The following RNF216 variants were observed in gnomAD, a reference collection of about 807,000 sequenced individuals.
The protein encoded by RNF216 is ring finger protein 216.
In RNF216, 72 loss-of-function variants were observed where a neutral mutation model predicts 110.8. The ratio of observed to expected loss-of-function variants is 0.65; its 90% CI spans 0.54 to 0.79. RNF216 has a LOEUF of 0.79. RNF216 is among the 30% of genes least tolerant of loss of function. RNF216 has a pLI of 0.00. For synonymous variants in RNF216, 495 were observed against 407.5 expected (o/e 1.21, Z -2.59); for missense variants, 1,342 against 1,141.2 (o/e 1.18, Z -2.54).
At chr7:5,727,491 T>C (rs1368062344) in intron 7 of RNF216, among the ~76,000 whole-genome samples, 3 of 151,874 alleles carry the variant, frequency 2.0e-5, no homozygotes, top group Admixed American at 6.6e-5. Context: ...CTTTAGGAGG[T>C]GGAGGTGGGA....
At chr7:5,743,800 C>G (rs566807386) in intron 3 of RNF216, among the ~76,000 whole-genome samples, 14 of 152,250 alleles carry the variant, frequency 9.2e-5, no homozygotes, top group African/African-American at 3.4e-4. Flanking sequence ...GAGGACTATG[C>G]CACTGAAGTA....
intron 3 of RNF216, among the ~76,000 whole-genome samples, chr7:5,748,430 T>C (rs1318918370): frequency 2.0e-5 from 3 of 152,182 alleles, no homozygotes; most frequent in South Asian, 2.1e-4. Context: ...CAGCTAATTT[T>C]TGTATTTTTA....
chr7:5,643,474 C>T (rs1463236113), intron 14 of RNF216, among the ~76,000 whole-genome samples: 1 of 151,910 alleles, frequency 6.6e-6, no homozygotes, highest in Non-Finnish European at 1.5e-5. Flanking sequence ...CTTGCGCTCA[C>T]ACAGGAAGGC....
intron 15 of RNF216, among the ~76,000 whole-genome samples, chr7:5,635,821 C>T (rs1187487267): frequency 6.6e-6 from 1 of 152,210 alleles, no homozygotes; most frequent in African/African-American, 2.4e-5. Context: ...AGGCTCAGTC[C>T]ACTGCTGGTT....
Position 5,680,423 on chromosome 7 carries a change from G to C in RNF216, c.2062-27913C>G, listed in dbSNP as rs1401754835. Reference sequence around the variant, plus strand: ...ACACTTCTTTTTTTGTTGTTGTTGAGACGGAGTCTTGCCCTGTCGCCAGCC... The same window carrying C: ...ACACTTCTTTTTTTGTTGTTGTTGACACGGAGTCTTGCCCTGTCGCCAGCC... On this transcript the variant is annotated intron_variant, in intron 13 of 16. Coordinates refer to ENST00000389902, the MANE Select transcript of RNF216 (RefSeq NM_207111.4). This position sits in a 1 kb window ranked among gnomAD's most constrained non-coding sequence, Gnocchi z 4.3. The C allele has an allele frequency of 1.3e-5, 2 of 152,214 alleles. No homozygotes were observed. Among genetic ancestry groups the C allele is most frequent in the Admixed American group, 1.3e-4 (2 of 15,274 alleles). 9.4% of individuals were successfully genotyped at this position (152,214 alleles called of 1,614,324 possible).
intron 14 of RNF216, among the ~76,000 whole-genome samples, chr7:5,648,644 TG>T (rs1788194912): frequency 6.7e-6 from 1 of 148,646 alleles, no homozygotes; most frequent in Non-Finnish European, 1.5e-5. Flanking sequence ...AGGAGAACGG[TG>T]TGAACCTGGG....
intron 6 of RNF216, among the ~76,000 whole-genome samples, chr7:5,730,509 G>A (rs1423854921): frequency 2.6e-5 from 4 of 152,218 alleles, no homozygotes; most frequent in African/African-American, 9.7e-5. Flanking sequence ...AAAGATAGAA[G>A]TTAAAGACAG....
intron 15 of RNF216, among the ~76,000 whole-genome samples, chr7:5,630,640 A>C (rs1025761537): frequency 1.3e-5 from 2 of 151,764 alleles, no homozygotes; most frequent in Non-Finnish European, 2.9e-5. Flanking sequence ...CCATCCTCCC[A>C]CCTCCGCCTC....
At chr7:5,699,581 C>G (rs1180517231) in intron 13 of RNF216, among the ~76,000 whole-genome samples, 2 of 152,242 alleles carry the variant, frequency 1.3e-5, no homozygotes, top group Admixed American at 6.5e-5. Flanking sequence ...GATTGGATTT[C>G]GTTTCTCATC....
At chr7:5,634,197 G>C (rs558862534) in intron 15 of RNF216, among the ~76,000 whole-genome samples, 5 of 152,208 alleles carry the variant, frequency 3.3e-5, no homozygotes, top group African/African-American at 1.2e-4. Flanking sequence ...CCAGCCTCCT[G>C]TGACCATGGG....
At chr7:5,698,490 G>A (rs1791770163) in intron 13 of RNF216, among the ~76,000 whole-genome samples, 1 of 151,844 alleles carries the variant, frequency 6.6e-6, no homozygotes, top group African/African-American at 2.4e-5. Context: ...TCTGGGCTCA[G>A]GTGATCTTCC....
chr7:5,740,149 T>C (rs1162619300), intron 4 of RNF216, among the ~76,000 whole-genome samples: 3 of 119,818 alleles, frequency 2.5e-5, no homozygotes, highest in African/African-American at 1.0e-4. Context: ...TTTTGTGAGA[T>C]AGAGTCTCAC....
chr7:5,763,586 T>C (rs372834686), intron 1 of RNF216, among the ~76,000 whole-genome samples: 15 of 152,038 alleles, frequency 9.9e-5, no homozygotes, highest in African/African-American at 3.6e-4. Flanking sequence ...TTTTTATTTC[T>C]TTTTGAGCCA....
chr7:5,673,416 G>A (rs1030479543), intron 13 of RNF216, among the ~76,000 whole-genome samples: 2 of 152,206 alleles, frequency 1.3e-5, no homozygotes. Flanking sequence ...GGACTGGCCT[G>A]GTTTGCGAGA....
At chr7:5,774,728 G>GA (rs66824944) in intron 1 of RNF216, among the ~76,000 whole-genome samples, 63,376 of 151,076 alleles carry the variant, frequency 0.42, 13,685 homozygotes, top group East Asian at 0.76. Flanking sequence ...TTCAAGGGGG[G>GA]AAAAAATCTT....
intron 4 of RNF216, among the ~76,000 whole-genome samples, chr7:5,740,338 G>T (rs932325914): frequency 1.3e-5 from 2 of 152,080 alleles, no homozygotes; most frequent in Non-Finnish European, 2.9e-5. Context: ...GTGTTAGCCA[G>T]GATGGTCTTG....
At chr7:5,777,937 A>G (rs190331052) in intron 1 of RNF216, among the ~76,000 whole-genome samples, 3 of 152,154 alleles carry the variant, frequency 2.0e-5, no homozygotes, top group Admixed American at 2.0e-4. Flanking sequence ...CAGATAAGTA[A>G]GTACATCCTC....
chr7:5,658,329 T>C (rs1788877381), intron 13 of RNF216, among the ~76,000 whole-genome samples: 2 of 152,160 alleles, frequency 1.3e-5, no homozygotes, highest in Non-Finnish European at 2.9e-5. Flanking sequence ...AAGATTCCTA[T>C]TTTAATAAGC....
chr7:5,630,236 CA>C (rs1185145753), intron 15 of RNF216, among the ~76,000 whole-genome samples: 1 of 152,092 alleles, frequency 6.6e-6, no homozygotes, highest in Non-Finnish European at 1.5e-5. Context: ...CTGGCTTCTT[CA>C]AGAGAGGCTG....
Sources: allele counts gnomAD v4.1 joint callset (sites outside exome capture counted in the v4.1 genomes callset), GRCh38; gene constraint gnomAD v4.1.1; non-coding constraint Gnocchi (gnomAD v3.1); transcripts MANE v1.5; gene names NCBI Gene and HGNC (gene_info 2026-07-23, HGNC 2026-07-21).